The following TMEM217 variants were observed in gnomAD, a reference collection of about 807,000 sequenced individuals.
TMEM217 encodes the protein chromosome 6 open reading frame 128.
For synonymous variants in TMEM217, 76 were observed against 88.3 expected (o/e 0.86, Z 0.78); for missense variants, 204 against 248.8 (o/e 0.82, Z 1.21).
chr6:37,222,689 A>G (rs1227136795), intron 1 of TMEM217, among the ~76,000 whole-genome samples: 1 of 152,166 alleles, frequency 6.6e-6, no homozygotes, highest in African/African-American at 2.4e-5. Context: ...GCACAGCCAC[A>G]GTTTGGGCAG....
chr6:37,230,076 C>A (rs1385859791), intron 1 of TMEM217, among the ~76,000 whole-genome samples: 1 of 152,234 alleles, frequency 6.6e-6, no homozygotes, highest in Non-Finnish European at 1.5e-5. Context: ...AGGGCCACCC[C>A]TGGCTTCCAG....
chr6:37,218,786 A>C (rs1264644072), exon 2 of TMEM217: 1 of 1,614,116 alleles, frequency 6.2e-7, no homozygotes, highest in African/African-American at 1.3e-5. Context: ...TGAGTACAGG[A>C]GGAAGCAGCT....
intron 1 of TMEM217, among the ~76,000 whole-genome samples, chr6:37,247,292 C>T (rs565394682): frequency 6.6e-6 from 1 of 151,954 alleles, no homozygotes; most frequent in Admixed American, 6.5e-5. Flanking sequence ...GATTTGAGTC[C>T]AAGTAGTTTA....
intron 1 of TMEM217, among the ~76,000 whole-genome samples, chr6:37,222,332 T>C (rs1763571623): frequency 6.6e-6 from 1 of 152,238 alleles, no homozygotes; most frequent in Non-Finnish European, 1.5e-5. Context: ...CCCCCAGGGC[T>C]CGACCCCAAC....
At chr6:37,253,276 C>T (rs1018064595) in intron 1 of TMEM217, among the ~76,000 whole-genome samples, 2 of 151,880 alleles carry the variant, frequency 1.3e-5, no homozygotes, top group African/African-American at 2.4e-5. Flanking sequence ...TTTCATTTTC[C>T]CCTGTTTATT....
At chr6:37,243,941 C>T (rs2842618) in intron 1 of TMEM217, among the ~76,000 whole-genome samples, 125,272 of 152,118 alleles carry the variant, frequency 0.82, 52,222 homozygotes, top group South Asian at 0.91. Context: ...GTCAGCCAGT[C>T]CTCAGAAATG....
At chr6:37,226,007 T>A (rs912094127) in intron 1 of TMEM217, among the ~76,000 whole-genome samples, 1 of 152,206 alleles carries the variant, frequency 6.6e-6, no homozygotes, top group Non-Finnish European at 1.5e-5. Context: ...CTTTTGGGGT[T>A]TCTTTGTTAC....
rs867206624 is a variant in TMEM217, at chr6:37,252,649, T to A, written c.-12+4919A>T. Among the ~76,000 whole-genome samples, 1,117 of 136,538 alleles carry A rather than the reference T, an allele frequency of 8.2e-3. 6 individuals are homozygous for A. The highest frequency in any genetic ancestry group is 0.047 in the Middle Eastern group (13 of 276). 89.6% of individuals were successfully genotyped at this position (136,538 alleles called of 152,430 possible). On this transcript the variant is annotated intron_variant, in intron 1 of 1. Transcript: ENST00000357219. ...TATATATATATATATTTTTTTTTTT[T>A]TTTTTTTTTTGACAGGGTCTCACTC...
intron 1 of TMEM217, among the ~76,000 whole-genome samples, chr6:37,227,804 A>G (rs1763929951): frequency 6.6e-6 from 1 of 151,916 alleles, no homozygotes; most frequent in African/African-American, 2.4e-5. Flanking sequence ...CATCTGACTT[A>G]CATGCTTACG....
chr6:37,213,038 A>C, downstream of TMEM217: 1 of 1,352,498 alleles, frequency 7.4e-7, no homozygotes, highest in Non-Finnish European at 1.0e-6. Context: ...AAGATGGCAG[A>C]GGTAGCCTTA....
exon 2 of TMEM217, chr6:37,218,723 A>G (rs919409821): frequency 1.2e-6 from 2 of 1,614,178 alleles, no homozygotes; most frequent in Non-Finnish European, 1.7e-6. Context: ...AGTTTCATAG[A>G]AAAAAATCCA....
At chr6:37,219,453 G>T (rs1453498226) in intron 1 of TMEM217, among the ~76,000 whole-genome samples, 1 of 152,112 alleles carries the variant, frequency 6.6e-6, no homozygotes, top group African/African-American at 2.4e-5. Context: ...CTTAAATTAT[G>T]CTCTTAGCTG....
At chr6:37,213,055 TCCC>T (rs149104593), downstream of TMEM217, 7,828 of 1,119,172 alleles carry the variant, frequency 7.0e-3, 364 homozygotes, top group African/African-American at 0.11. Context: ...CTTAGACAAA[TCCC>T]CCAAGTCACT....
rs372385535 is a variant in TMEM217, at chr6:37,229,335, GTTTTTTTT to G, written c.-11-10302_-11-10295del. On this transcript the variant is annotated intron_variant, in intron 1 of 1. Coordinates refer to ENST00000357219, the Ensembl canonical transcript of TMEM217. ...TGACTCGTCTCCCTAGCAACTTTCAGTTTTTTTTTTTTTTTTTTTTTTTTTGAGACAGT... is the reference window on the plus strand; with the variant it reads ...TGACTCGTCTCCCTAGCAACTTTCAGTTTTTTTTTTTTTTTTTGAGACAGT... 1.3e-4 allele frequency among the ~76,000 whole-genome samples: 10 copies of G among 74,364 alleles called. No homozygotes were observed. In the South Asian group the frequency reaches 2.6e-3, roughly 19 times the overall value. 48.8% of individuals were successfully genotyped at this position (74,364 alleles called of 152,430 possible). A position where few individuals can be genotyped will look rare whatever the true frequency, so the allele number is the denominator to read the frequency against.
chr6:37,218,360 G>A (rs570650972), exon 2 of TMEM217: 19 of 1,320,930 alleles, frequency 1.4e-5, no homozygotes, highest in East Asian at 9.4e-5. Flanking sequence ...TAGTAGAGAC[G>A]GGGTTTTGCC....
At chr6:37,218,800 G>T (rs778528756) in exon 2 of TMEM217, 3 of 1,614,224 alleles carry the variant, frequency 1.9e-6, no homozygotes, top group Non-Finnish European at 2.5e-6. Flanking sequence ...AGCAGCTGAT[G>T]AGGATGGTGA....
intron 1 of TMEM217, among the ~76,000 whole-genome samples, chr6:37,229,335 G>GC (rs762059062): frequency 1.3e-5 from 1 of 74,368 alleles, no homozygotes; most frequent in African/African-American, 5.3e-5. Flanking sequence ...GCAACTTTCA[G>GC]TTTTTTTTTT....
intron 1 of TMEM217, among the ~76,000 whole-genome samples, chr6:37,229,718 T>C (rs189240388): frequency 1.8e-4 from 27 of 152,366 alleles, no homozygotes; most frequent in Admixed American, 3.3e-4. Context: ...TACAGCCATC[T>C]ATAGATTTAA....
downstream of TMEM217, among the ~76,000 whole-genome samples, chr6:37,213,484 T>A (rs1763015529): frequency 6.6e-6 from 1 of 152,176 alleles, no homozygotes; most frequent in African/African-American, 2.4e-5. Flanking sequence ...CCTGATTTGC[T>A]CCCTGGGCAT....
Sources: allele counts gnomAD v4.1 joint callset (sites outside exome capture counted in the v4.1 genomes callset), GRCh38; gene constraint gnomAD v4.1.1; transcripts MANE v1.5; gene names NCBI Gene and HGNC (gene_info 2026-07-23, HGNC 2026-07-21).